The following HDX variants were observed in gnomAD, a reference collection of about 807,000 sequenced individuals.
HDX encodes the protein highly divergent homeobox.
A neutral mutation model predicts 45.2 loss-of-function variants in HDX; 19 were observed. The ratio of observed to expected loss-of-function variants is 0.42; its 90% CI spans 0.29 to 0.62. The LOEUF is 0.62. Ranked by LOEUF, HDX falls within the 20% of genes least tolerant of loss-of-function variation. The pLI is 0.20. For synonymous variants in HDX, 188 were observed against 172.8 expected, an observed-to-expected ratio of 1.09 and a Z score of -0.69; for missense variants, 532 against 493.9, an observed-to-expected ratio of 1.08 and a Z score of -0.73.
intron 5 of HDX, among the ~76,000 whole-genome samples, chrX:84,384,557 T>C (rs924824692): frequency 3.6e-5 from 4 of 109,903 alleles, no homozygotes; most frequent in African/African-American, 9.9e-5. Context: ...TTTTTTTTTT[T>C]TTTCTGTAAT....
intron 5 of HDX, among the ~76,000 whole-genome samples, chrX:84,384,570 CT>C (rs2038264894): frequency 3.0e-5 from 3 of 99,625 alleles, no homozygotes; most frequent in Non-Finnish European, 4.0e-5. Context: ...TCTGTAATTG[CT>C]TTTGGGAACT....
rs753134119 is a variant in HDX at position 84,490,168 on chromosome X, T to G, written c.-109-2036A>C. Among the ~76,000 whole-genome samples, 14 of 111,497 alleles carry G rather than the reference T, an allele frequency of 1.3e-4. No homozygotes were observed. In the East Asian group the frequency reaches 4.0e-3, roughly 32 times the overall value. ...TATGATATTGGCAATTTGTGTCCTC[T>G]CTCCTTTTTTTTTCTCTTAAGATCT... On this transcript the variant is annotated intron_variant, in intron 1 of 10. Transcript: ENST00000373177.
At chrX:84,358,803 C>T (rs1455464650) in intron 6 of HDX, among the ~76,000 whole-genome samples, 1 of 111,636 alleles carries the variant, frequency 9.0e-6, no homozygotes, top group African/African-American at 3.3e-5. Flanking sequence ...CTCAAGTGAT[C>T]CTTCCACCTC....
intron 5 of HDX, among the ~76,000 whole-genome samples, chrX:84,428,891 A>G (rs756752903): frequency 1.8e-5 from 2 of 110,514 alleles, no homozygotes; most frequent in African/African-American, 6.5e-5. Context: ...ATTTTTATAT[A>G]TAGTGCGCGC....
chrX:84,452,949 C>T (rs1051574888), intron 4 of HDX, among the ~76,000 whole-genome samples: 8 of 111,658 alleles, frequency 7.2e-5, no homozygotes, highest in African/African-American at 1.3e-4. Flanking sequence ...GAAAAGGCAA[C>T]AAAAACAAAA....
At chrX:84,323,245 A>T (rs1602243493) in intron 10 of HDX, among the ~76,000 whole-genome samples, 2 of 111,251 alleles carry the variant, frequency 1.8e-5, no homozygotes, top group East Asian at 2.8e-4. Flanking sequence ...TATACACAGT[A>T]AACTAACTTA....
Position 84,399,359 on chromosome X carries a change from C to T in HDX, c.1306-37747G>A, listed in dbSNP as rs748288053. Among the ~76,000 whole-genome samples the T allele has an allele frequency of 6.4e-5, 7 of 109,739 alleles. No individual in the cohort carries two copies. The East Asian group carries it at 1.4e-3, about 23-fold the overall frequency. ...AAAGAGAGAAGTATCAAATAGACAA[C>T]AATAAAACATGATAAAGGGGATATC... On this transcript the variant is annotated intron_variant, in intron 5 of 10. Transcript: ENST00000373177.
intron 5 of HDX, among the ~76,000 whole-genome samples, chrX:84,368,224 C>T (rs1327101917): frequency 9.0e-6 from 1 of 111,333 alleles, no homozygotes; most frequent in Non-Finnish European, 1.9e-5. Flanking sequence ...GTTAAATGCT[C>T]ATTTAAAGAA....
At chrX:84,471,454 A>G (rs1489850982) in intron 3 of HDX, among the ~76,000 whole-genome samples, 4 of 107,042 alleles carry the variant, frequency 3.7e-5, no homozygotes, top group Non-Finnish European at 7.7e-5. Context: ...TATATATATA[A>G]ACTCCTTTGG....
chrX:84,323,841 G>T (rs1464615501), intron 10 of HDX, among the ~76,000 whole-genome samples: 1 of 112,257 alleles, frequency 8.9e-6, no homozygotes, highest in East Asian at 2.8e-4. Context: ...ACTATCCTCA[G>T]GGTCTGACCT....
chrX:84,486,994 T>C (rs1219579801), intron 2 of HDX, among the ~76,000 whole-genome samples: 2 of 111,664 alleles, frequency 1.8e-5, no homozygotes, highest in East Asian at 5.6e-4. Context: ...TATCATCCCA[T>C]AGGGCTTGAG....
At chrX:84,423,240 A>T (rs1352973792) in intron 5 of HDX, among the ~76,000 whole-genome samples, 6 of 110,148 alleles carry the variant, frequency 5.4e-5, no homozygotes, top group African/African-American at 2.0e-4. Flanking sequence ...AATGAGATCA[A>T]AGCCATAATA....
intron 4 of HDX, 119 bp from the exon 5 acceptor site, chrX:84,440,704 C>A: frequency 2.2e-6 from 1 of 444,667 alleles, no homozygotes; most frequent in South Asian, 4.1e-5. Flanking sequence ...AACATATTCC[C>A]CACGTATAAA....
chrX:84,347,996 T>C (rs928786313), intron 6 of HDX, among the ~76,000 whole-genome samples: 1 of 111,352 alleles, frequency 9.0e-6, no homozygotes, highest in African/African-American at 3.3e-5. Flanking sequence ...TGTGGTTTGA[T>C]ATGTTACATT....
At chrX:84,391,651 G>T (rs1258024239) in intron 5 of HDX, among the ~76,000 whole-genome samples, 1 of 110,979 alleles carries the variant, frequency 9.0e-6, no homozygotes, top group Non-Finnish European at 1.9e-5. Context: ...TTTCAACTGG[G>T]GTGTGATATC....
intron 2 of HDX, among the ~76,000 whole-genome samples, chrX:84,479,681 A>G (rs182277851): frequency 3.1e-4 from 35 of 112,091 alleles, no homozygotes; most frequent in African/African-American, 1.1e-3. Flanking sequence ...ACTGAAAAAC[A>G]TTCAGTGAAA....
intron 6 of HDX, among the ~76,000 whole-genome samples, chrX:84,345,271 A>T (rs958791537): frequency 9.0e-6 from 1 of 111,601 alleles, no homozygotes; most frequent in Admixed American, 9.5e-5. Flanking sequence ...ATATGTGTGT[A>T]TAGTTCTATG....
intron 5 of HDX, among the ~76,000 whole-genome samples, chrX:84,381,885 G>A (rs1036684767): frequency 5.4e-5 from 6 of 110,558 alleles, no homozygotes; most frequent in African/African-American, 9.8e-5. Context: ...TCTTCTGCAC[G>A]ACAAAGAAAA....
At chrX:84,365,322 T>C (rs1467025072) in intron 5 of HDX, among the ~76,000 whole-genome samples, 1 of 111,461 alleles carries the variant, frequency 9.0e-6, no homozygotes, top group Non-Finnish European at 1.9e-5. Flanking sequence ...AAAGGGATTT[T>C]TGACCTAAAG....
Sources: allele counts gnomAD v4.1 joint callset (sites outside exome capture counted in the v4.1 genomes callset), GRCh38; gene constraint gnomAD v4.1.1; transcripts MANE v1.5; gene names NCBI Gene and HGNC (gene_info 2026-07-23, HGNC 2026-07-21).